MDN1: variants seen among roughly 807,000 people sequenced by gnomAD.
MDN1 encodes the protein midasin.
Under a neutral mutation model 669.2 loss-of-function variants are expected in MDN1, and 266 were observed. The observed-to-expected ratio is 0.40, with a 90% confidence interval of 0.36 to 0.44. The LOEUF (loss-of-function observed/expected upper bound fraction) is 0.44, where lower values mean the gene tolerates loss of function less well. MDN1 is among the 20% of genes least tolerant of loss of function. The pLI is 1.00. For synonymous variants in MDN1, 2,385 were observed against 2,457.1 expected (o/e 0.97, Z 0.87); for missense variants, 5,940 against 6,754.0 (o/e 0.88, Z 4.22).
In MDN1 at chr6:89,728,989, C is replaced by G. The variant is rs754026420; in HGVS notation, c.5291G>C (p.Gly1764Ala). The change falls in exon 36 of 102, where the codon GGA becomes GCA. Residue 1764 changes from glycine to alanine, a missense_variant. This residue lies in a region of MDN1 where 2,292 missense variants were observed against 2,638.3 expected (regional missense o/e 0.87). Coordinates refer to ENST00000369393, the MANE Select transcript of MDN1 (RefSeq NM_014611.3). ...ATTTCCTGAAGCCTTTGCTAATGCTCCCACCAAACTTGTCTTGCCAACACC... is the reference window on the plus strand; with the variant it reads ...ATTTCCTGAAGCCTTTGCTAATGCTGCCACCAAACTTGTCTTGCCAACACC... Reference protein sequence around the residue: ...SPGVGKTSLVGALAKASGNTL... With the variant: ...SPGVGKTSLVAALAKASGNTL... The G allele has an allele frequency of 1.2e-5, 20 of 1,613,988 alleles. No individual in the cohort carries two copies. Among genetic ancestry groups the G allele is most frequent in the Non-Finnish European group, 1.7e-5 (20 of 1,180,008 alleles).
In MDN1 at chr6:89,738,469, A is replaced by G; in HGVS notation, c.4594-14T>C. On this transcript the variant is annotated splice_polypyrimidine_tract_variant and intron_variant, in intron 32 of 101. Coordinates refer to ENST00000369393, the MANE Select transcript of MDN1 (RefSeq NM_014611.3). Reference sequence around the variant, plus strand: ...GGCAGGAGACAGCTATAAGAAACACAAAACTTCAATGTGAATTTTTAAAAC... The same window carrying G: ...GGCAGGAGACAGCTATAAGAAACACGAAACTTCAATGTGAATTTTTAAAAC... 1 of 1,612,722 alleles carries G rather than the reference A, an allele frequency of 6.2e-7. No homozygotes were observed. Among genetic ancestry groups the G allele is most frequent in the Non-Finnish European group, 8.5e-7 (1 of 1,179,614 alleles).
At chr6:89,668,258 T>C in intron 83 of MDN1, 107 bp from the exon 84 acceptor site, 1 of 1,337,068 alleles carries the variant, frequency 7.5e-7, no homozygotes, top group Non-Finnish European at 1.0e-6. Flanking sequence ...TGAATTCTTT[T>C]TCTAGCTCAT....
Position 89,678,673 on chromosome 6 carries a change from C to T in MDN1, c.12338G>A (p.Arg4113Gln), listed in dbSNP as rs371690614. ...CATGAGAATGTGCTTGGCTTCTGAC[C>T]GCTGCTTCTCCTTCTCTGCAGAGGG... ...VEPSAEKEKQRSEAKHILMQK... is the reference protein window; with the variant it reads ...VEPSAEKEKQQSEAKHILMQK... The change falls in exon 75 of 102, where the codon CGG (arginine) becomes CAG (glutamine). Residue 4113 changes from arginine to glutamine, a missense_variant. Transcript: ENST00000369393. 9.9e-6 allele frequency: 16 copies of T among 1,614,046 alleles called. No homozygotes were observed. Among genetic ancestry groups the T allele is most frequent in the East Asian group, 4.5e-5 (2 of 44,876 alleles).
rs745599093 is a variant in MDN1 at position 89,718,402 on chromosome 6, G to C, written c.6547C>G (p.Arg2183Gly). The change falls in exon 43 of 102, where the codon CGA becomes GGA. Residue 2183 changes from arginine to glycine, a missense_variant. Transcript: ENST00000369393. ...TATGAGTTGATTTTATTGTTGAGTC[G>C]CTGCATAAGCAATAACACTGCTTCT... ...KLEAVLLLMQ[R>G]LNNKINSYCK... The C allele has an allele frequency of 2.5e-6, 4 of 1,613,964 alleles. No individual in the cohort carries two copies. In the Admixed American group the frequency reaches 6.7e-5, roughly 27 times the overall value.
At position 89,781,055 on chromosome 6, in the gene MDN1, T is replaced by A. The variant is rs1400373645; in HGVS notation, c.1643+344A>T. Among the ~76,000 whole-genome samples the A allele has an allele frequency of 6.6e-5, 10 of 152,032 alleles. No homozygotes were observed. The East Asian group carries it at 1.9e-3, about 29-fold the overall frequency. ...ATAGCGAAATCCAAGAAGACTTATTTAAGACTCCAAGTGTCAGAAAAGGGC... is the reference window on the plus strand; with the variant it reads ...ATAGCGAAATCCAAGAAGACTTATTAAAGACTCCAAGTGTCAGAAAAGGGC... On this transcript the variant is annotated intron_variant, in intron 10 of 101. Transcript: ENST00000369393.
chr6:89,794,573 G>A lies in MDN1; in HGVS notation c.554+4C>T, dbSNP rs776464737. On this transcript the variant is annotated splice_donor_region_variant and intron_variant, in intron 3 of 101. Transcript: ENST00000369393. ...AAGTGCAAAAAAGTCTAACAGCTAC[G>A]CACCAGCGAACCAAGGTGTCATGGC... 4.3e-6 allele frequency: 7 copies of A among 1,612,248 alleles called. No individual in the cohort carries two copies. The highest frequency in any genetic ancestry group is 5.9e-6 in the Non-Finnish European group (7 of 1,179,798).
At chr6:89,737,166 T>C (rs1816028616) in intron 33 of MDN1, among the ~76,000 whole-genome samples, 1 of 152,122 alleles carries the variant, frequency 6.6e-6, no homozygotes, top group African/African-American at 2.4e-5. Flanking sequence ...AGCAGCAGTG[T>C]GCGTACCTAT....
intron 2 of MDN1, among the ~76,000 whole-genome samples, chr6:89,799,519 A>T (rs1767492810): frequency 6.6e-6 from 1 of 152,184 alleles, no homozygotes; most frequent in Non-Finnish European, 1.5e-5. Flanking sequence ...CCCCACCTCT[A>T]CTAAAAATAC....
intron 1 of MDN1, among the ~76,000 whole-genome samples, chr6:89,803,999 G>A (rs916450367): frequency 1.4e-5 from 2 of 143,774 alleles, no homozygotes; most frequent in Admixed American, 7.4e-5. Context: ...AGGTTCAAGC[G>A]ATTCTCATGC....
chr6:89,682,942 C>G (rs1490539497), intron 73 of MDN1, among the ~76,000 whole-genome samples, 190 bp downstream of exon 73: 1 of 141,906 alleles, frequency 7.0e-6, no homozygotes, highest in East Asian at 2.0e-4. Flanking sequence ...CAAAAAAAAG[C>G]AAAAAAAAAA....
intron 63 of MDN1, 82 bp from the exon 64 acceptor site, chr6:89,690,916 T>G: frequency 1.4e-6 from 2 of 1,479,594 alleles, no homozygotes; most frequent in Admixed American, 2.2e-5. Flanking sequence ...TAATTTCTCA[T>G]GAAAATGAAA....
intron 94 of MDN1, 113 bp from the exon 95 acceptor site, chr6:89,652,394 C>T (rs565982231): frequency 2.5e-4 from 191 of 762,312 alleles, no homozygotes; most frequent in Non-Finnish European, 3.9e-4. Flanking sequence ...TCAAATGCTC[C>T]TGAGATTCAA....
chr6:89,728,783 ACT>A (rs746665744), intron 36 of MDN1, 146 bp downstream of exon 36: 57 of 837,620 alleles, frequency 6.8e-5, no homozygotes, highest in Non-Finnish European at 1.0e-4. Context: ...ACAGAACGAG[ACT>A]CTGTCTCAAA....
intron 84 of MDN1, among the ~76,000 whole-genome samples, chr6:89,667,624 G>T (rs1810348363): frequency 6.6e-6 from 1 of 152,132 alleles, no homozygotes; most frequent in Non-Finnish European, 1.5e-5. Context: ...ATGCCTTAAA[G>T]ATATACAACA....
chr6:89,700,610 G>A (rs372127991), intron 56 of MDN1, 36 bp downstream of exon 56: 26 of 1,590,366 alleles, frequency 1.6e-5, no homozygotes, highest in Non-Finnish European at 2.2e-5. Flanking sequence ...TATTTTCAGA[G>A]CATCTGTCAG....
chr6:89,715,652 C>A lies in MDN1; in HGVS notation c.6860+1G>T, dbSNP rs1487223056. The A allele has an allele frequency of 6.3e-7, 1 of 1,575,988 alleles. No individual in the cohort carries two copies. On this transcript the variant is annotated splice_donor_variant, in intron 45 of 101. Coordinates refer to ENST00000369393, the MANE Select transcript of MDN1 (RefSeq NM_014611.3). LOFTEE classifies it high-confidence loss of function. ...GGCAGAAATGTAAGAGATACAAATACCTGAAATTGGGATTTGGTGTTATCG... is the reference window on the plus strand; with the variant it reads ...GGCAGAAATGTAAGAGATACAAATAACTGAAATTGGGATTTGGTGTTATCG...
At chr6:89,694,357 G>A (rs1289251542) in intron 61 of MDN1, among the ~76,000 whole-genome samples, 174 bp from the exon 62 acceptor site, 1 of 152,082 alleles carries the variant, frequency 6.6e-6, no homozygotes, top group Non-Finnish European at 1.5e-5. Flanking sequence ...GAGCTGTGAG[G>A]GGAAAGAAAC....
At chr6:89,668,450 G>A (rs1175445378) in intron 83 of MDN1, among the ~76,000 whole-genome samples, 1 of 152,104 alleles carries the variant, frequency 6.6e-6, no homozygotes, top group African/African-American at 2.4e-5. Context: ...TATACTAGAA[G>A]GACAGTATTT....
chr6:89,699,794 C>T lies in MDN1; in HGVS notation c.8871-67G>A, dbSNP rs1249689963. 3 of 1,520,440 alleles carry T rather than the reference C, an allele frequency of 2.0e-6. No homozygotes were observed. The African/African-American group carries it at 4.2e-5, about 21-fold the overall frequency. The allele number at this position is 1,520,440 out of a possible 1,614,324, so 94.2% of individuals were successfully genotyped here. ...TCAATGAACTACTGGAAAGCTGCTA[C>T]ATTAGGGAAGGTGTAACATAAAACT... On this transcript the variant is annotated intron_variant, in intron 57 of 101. Transcript: ENST00000369393.
Sources: allele counts gnomAD v4.1 joint callset (sites outside exome capture counted in the v4.1 genomes callset), GRCh38; gene constraint gnomAD v4.1.1; regional missense constraint gnomAD v4.1.1; transcripts MANE v1.5; gene names NCBI Gene and HGNC (gene_info 2026-07-23, HGNC 2026-07-21).